SEC24A: variants seen among roughly 807,000 people sequenced by gnomAD.
The protein encoded by SEC24A is SEC24 homolog A, COPII component.
A neutral mutation model predicts 129.4 loss-of-function variants in SEC24A; 93 were observed. The ratio of observed to expected loss-of-function variants is 0.72; its 90% CI spans 0.61 to 0.85. SEC24A has a LOEUF of 0.85. Among genes scored for constraint, SEC24A ranks in the 40% least tolerant of loss-of-function variants. SEC24A has a pLI of 0.00. For synonymous variants in SEC24A, 460 were observed against 467.3 expected, an observed-to-expected ratio of 0.98 and a Z score of 0.20; for missense variants, 1,264 against 1,307.4, an observed-to-expected ratio of 0.97 and a Z score of 0.51.
At chr5:134,659,319 G>T (rs983454772) in intron 1 of SEC24A, among the ~76,000 whole-genome samples, 1 of 151,906 alleles carries the variant, frequency 6.6e-6, no homozygotes, top group Admixed American at 6.6e-5. Context: ...TGATCCGCCC[G>T]CCTTGGCCTC....
intron 21 of SEC24A, 29 bp from the exon 22 acceptor site, chr5:134,723,538 A>G: frequency 7.8e-7 from 1 of 1,282,594 alleles, no homozygotes; most frequent in Non-Finnish European, 1.1e-6. Flanking sequence ...TAATTAAAGT[A>G]ATTGGATATT....
At chr5:134,693,618 C>G in intron 12 of SEC24A, 109 bp from the exon 13 acceptor site, 1 of 1,465,078 alleles carries the variant, frequency 6.8e-7, no homozygotes. Context: ...TCTGTAGATT[C>G]TCTGACCATC....
chr5:134,706,096 G>A (rs567413656), intron 17 of SEC24A, among the ~76,000 whole-genome samples: 3 of 152,072 alleles, frequency 2.0e-5, no homozygotes, highest in South Asian at 2.1e-4. Context: ...TCATGTGGTC[G>A]GGCTGGTCTT....
At chr5:134,681,915 G>T (rs1751285786) in intron 8 of SEC24A, among the ~76,000 whole-genome samples, 1 of 152,054 alleles carries the variant, frequency 6.6e-6, no homozygotes, top group African/African-American at 2.4e-5. Flanking sequence ...CATTTCATAT[G>T]TGAAATGTTA....
intron 9 of SEC24A, among the ~76,000 whole-genome samples, chr5:134,686,296 A>G (rs1394868589): frequency 6.6e-6 from 1 of 150,964 alleles, no homozygotes; most frequent in East Asian, 2.0e-4. Flanking sequence ...GTGCAGTGGC[A>G]TAATCTCGGC....
chr5:134,691,628 G>A (rs970597615), intron 11 of SEC24A, among the ~76,000 whole-genome samples: 8 of 150,292 alleles, frequency 5.3e-5, no homozygotes, highest in Non-Finnish European at 7.4e-5. Flanking sequence ...TCAGCCTCCC[G>A]AGTAGCTGGG....
rs1047411677 is a variant in SEC24A, at chr5:134,669,646, T to A, written c.740-2163T>A. Among the ~76,000 whole-genome samples, 96 of 151,596 alleles carry A rather than the reference T, an allele frequency of 6.3e-4. 1 individual carries two copies. Among genetic ancestry groups the A allele is most frequent in the Non-Finnish European group, 8.1e-4 (55 of 67,916 alleles). On this transcript the variant is annotated intron_variant, in intron 3 of 22. Coordinates refer to ENST00000398844, the MANE Select transcript of SEC24A (RefSeq NM_021982.3). The stretch of plus-strand genomic sequence containing the variant: ...GCCTGCCACCACGCCCGGCTAATTT[T>A]TTTTGTATTTTTAGTAGAGACGAGG...
rs146136476 is a variant in SEC24A at position 134,711,404 on chromosome 5, A to G, written c.2727+2516A>G. Among the ~76,000 whole-genome samples, 16 of 152,166 alleles carry G rather than the reference A, an allele frequency of 1.1e-4. No individual in the cohort carries two copies. In the East Asian group the frequency reaches 3.1e-3, roughly 30 times the overall value. On this transcript the variant is annotated intron_variant, in intron 18 of 22. Coordinates refer to ENST00000398844, the MANE Select transcript of SEC24A (RefSeq NM_021982.3). ...ACTGTTCAAGGACTGCTGGCTGGGC[A>G]CAGTGGCTCATGCCTGTAATCCCAG...
At chr5:134,688,440 T>A in intron 11 of SEC24A, 141 bp downstream of exon 11, 1 of 615,740 alleles carries the variant, frequency 1.6e-6, no homozygotes, top group South Asian at 2.1e-5. Flanking sequence ...GTTGTAAGAG[T>A]CTTTCAGTTC....
chr5:134,664,719 T>C (rs1252197812), intron 2 of SEC24A, among the ~76,000 whole-genome samples: 1 of 151,942 alleles, frequency 6.6e-6, no homozygotes, highest in Non-Finnish European at 1.5e-5. Flanking sequence ...ATCTTTGTCT[T>C]CACTTTTGTC....
chr5:134,690,222 G>A (rs1751594572), intron 11 of SEC24A, among the ~76,000 whole-genome samples: 1 of 152,178 alleles, frequency 6.6e-6, no homozygotes. Flanking sequence ...GTCTTACCGT[G>A]TTAGCCAGGC....
chr5:134,699,165 C>T (rs780803038), intron 15 of SEC24A, among the ~76,000 whole-genome samples: 3 of 151,644 alleles, frequency 2.0e-5, no homozygotes, highest in African/African-American at 4.8e-5. Context: ...CGTGGGCTCA[C>T]GTGATCTTCC....
chr5:134,676,858 A>G (rs1393837100), intron 7 of SEC24A, among the ~76,000 whole-genome samples: 1 of 152,200 alleles, frequency 6.6e-6, no homozygotes, highest in East Asian at 1.9e-4. Context: ...TGATTGACAG[A>G]TTACTTACAA....
intron 18 of SEC24A, among the ~76,000 whole-genome samples, chr5:134,710,385 C>T (rs1752287803): frequency 6.6e-6 from 1 of 151,954 alleles, no homozygotes; most frequent in Admixed American, 6.6e-5. Context: ...GCATGCACCA[C>T]CACACCCCAG....
chr5:134,704,333 G>A lies in SEC24A; in HGVS notation c.2440+401G>A, dbSNP rs183311600. 6.9e-3 allele frequency among the ~76,000 whole-genome samples: 1,049 copies of A among 152,232 alleles called. 9 individuals carry two copies. Among genetic ancestry groups the A allele is most frequent in the African/African-American group, 0.024 (993 of 41,536 alleles). ...TCTGCCCGCCTCTGCCTCCCAACGT[G>A]CTGGGATTACAGGCATGAGCCACTG... On this transcript the variant is annotated intron_variant, in intron 16 of 22. Coordinates refer to ENST00000398844, the MANE Select transcript of SEC24A (RefSeq NM_021982.3).
At chr5:134,673,979 C>T (rs1328656822) in intron 4 of SEC24A, among the ~76,000 whole-genome samples, 2 of 151,886 alleles carry the variant, frequency 1.3e-5, no homozygotes, top group Middle Eastern at 3.4e-3. Flanking sequence ...ACTAAAAATA[C>T]AAAAATTAGG....
At chr5:134,692,093 C>G (rs779395662) in intron 11 of SEC24A, among the ~76,000 whole-genome samples, 21 of 146,714 alleles carry the variant, frequency 1.4e-4, no homozygotes, top group South Asian at 1.1e-3. Context: ...GGGTCTCAAC[C>G]TCCCCACTAG....
intron 9 of SEC24A, among the ~76,000 whole-genome samples, chr5:134,684,176 G>A (rs1305453121): frequency 6.6e-6 from 1 of 151,710 alleles, no homozygotes; most frequent in East Asian, 1.9e-4. Context: ...GGTGGTGAGT[G>A]CCTGTAATCC....
chr5:134,686,599 C>T (rs764477031), intron 9 of SEC24A, among the ~76,000 whole-genome samples, 191 bp from the exon 10 acceptor site: 2 of 152,138 alleles, frequency 1.3e-5, no homozygotes, highest in Admixed American at 6.6e-5. Flanking sequence ...TTCTGAATTA[C>T]GGCAATCACA....
Sources: gnomAD v4.1 joint callset for allele counts (sites outside exome capture counted in the v4.1 genomes callset) on GRCh38, gnomAD v4.1.1 for gene constraint, MANE v1.5 for transcripts, NCBI Gene and HGNC (gene_info 2026-07-23, HGNC 2026-07-21) for gene names.